The following CSRNP3 variants were observed in gnomAD, a reference collection of about 807,000 sequenced individuals.
CSRNP3 encodes cysteine/serine-rich nuclear protein 3.
CSRNP3 carries 12 observed loss-of-function variants against 48.0 expected under a neutral mutation model. The observed-to-expected ratio is 0.25, with a 90% CI of 0.16 to 0.41. The LOEUF is 0.41. Among genes scored for constraint, CSRNP3 ranks in the 10% least tolerant of loss-of-function variants. The pLI, the probability that CSRNP3 is intolerant of heterozygous loss-of-function variation, is 1.00. For synonymous variants in CSRNP3, 263 were observed against 269.7 expected (o/e 0.98, Z 0.24); for missense variants, 580 against 724.4 (o/e 0.80, Z 2.29).
intron 3 of CSRNP3, among the ~76,000 whole-genome samples, chr2:165,546,937 T>C (rs969437806): frequency 3.3e-5 from 5 of 152,214 alleles, no homozygotes; most frequent in Non-Finnish European, 4.4e-5. Flanking sequence ...TTTTCTTTAA[T>C]TGAAGTACAT....
At chr2:165,599,828 T>C (rs968285716) in intron 4 of CSRNP3, among the ~76,000 whole-genome samples, 2 of 152,074 alleles carry the variant, frequency 1.3e-5, no homozygotes, top group Non-Finnish European at 2.9e-5. Flanking sequence ...ATTTCTTTAC[T>C]TTTTTTTACT....
chr2:165,573,516 A>G (rs1417333681), intron 3 of CSRNP3, among the ~76,000 whole-genome samples: 1 of 152,258 alleles, frequency 6.6e-6, no homozygotes, highest in Non-Finnish European at 1.5e-5. Context: ...ACAACACTGA[A>G]TATCTTTGCC....
intron 4 of CSRNP3, among the ~76,000 whole-genome samples, chr2:165,656,656 A>G (rs1050189203): frequency 6.6e-6 from 1 of 152,194 alleles, no homozygotes; most frequent in Admixed American, 6.5e-5. Flanking sequence ...TTTAATGAGA[A>G]CACTGGTCTT....
At chr2:165,484,135 T>A (rs1022306275) in intron 1 of CSRNP3, among the ~76,000 whole-genome samples, 1 of 152,074 alleles carries the variant, frequency 6.6e-6, no homozygotes, top group Non-Finnish European at 1.5e-5. Context: ...TGAGACAGAG[T>A]CCCACTGTCA....
intron 2 of CSRNP3, among the ~76,000 whole-genome samples, chr2:165,504,853 C>T (rs1459703141): frequency 6.6e-6 from 1 of 152,002 alleles, no homozygotes; most frequent in Non-Finnish European, 1.5e-5. Context: ...TGGAGCACAC[C>T]ACATGTTAAA....
intron 4 of CSRNP3, among the ~76,000 whole-genome samples, chr2:165,643,851 C>G (rs1044893871): frequency 1.3e-5 from 2 of 152,102 alleles, no homozygotes; most frequent in African/African-American, 4.8e-5. Flanking sequence ...TATAAAATTT[C>G]ACAGGAAATT....
chr2:165,635,541 T>C (rs572562437), intron 4 of CSRNP3, among the ~76,000 whole-genome samples: 1 of 152,308 alleles, frequency 6.6e-6, no homozygotes, highest in South Asian at 2.1e-4. Context: ...CAGGATTATT[T>C]GTGTTCAGGT....
chr2:165,550,524 G>A (rs552926649), intron 3 of CSRNP3, among the ~76,000 whole-genome samples: 1 of 152,242 alleles, frequency 6.6e-6, no homozygotes, highest in East Asian at 1.9e-4. Flanking sequence ...TTTGCTTTAT[G>A]TTTCACATAA....
At chr2:165,475,915 C>A (rs922467458) in intron 1 of CSRNP3, among the ~76,000 whole-genome samples, 1 of 152,078 alleles carries the variant, frequency 6.6e-6, no homozygotes, top group African/African-American at 2.4e-5. Flanking sequence ...TGCTCTGTTT[C>A]ATTATAATAC....
At chr2:165,503,913 A>T (rs866173342) in intron 2 of CSRNP3, among the ~76,000 whole-genome samples, 2 of 151,938 alleles carry the variant, frequency 1.3e-5, no homozygotes, top group African/African-American at 4.8e-5. Context: ...AGTTAAGGAG[A>T]TATTCTTCCA....
chr2:165,615,887 G>GTTTTTTTTTTTTTTTTTTTTTTTTT lies in CSRNP3; in HGVS notation c.148+20674_148+20675insTTTTTTTTTTTTTTTTTTTTTTTTT, dbSNP rs1558951399. Among the ~76,000 whole-genome samples, 4 of 126,656 alleles carry GTTTTTTTTTTTTTTTTTTTTTTTTT rather than the reference G, an allele frequency of 3.2e-5. 2 individuals carry two copies. Among genetic ancestry groups the GTTTTTTTTTTTTTTTTTTTTTTTTT allele is most frequent in the African/African-American group, 5.8e-5 (2 of 34,564 alleles). The allele number at this position is 126,656 out of a possible 152,430, so 83.1% of individuals were successfully genotyped here. Reference sequence around the variant, plus strand: ...CACCATATCTGGCTAATGTTTGTGGGGTTTTTTTTTTTTTTTTTTTTTTTT... The same window carrying GTTTTTTTTTTTTTTTTTTTTTTTTT: ...CACCATATCTGGCTAATGTTTGTGGGTTTTTTTTTTTTTTTTTTTTTTTTTGTTTTTTTTTTTTTTTTTTTTTTTT... On this transcript the variant is annotated intron_variant, in intron 4 of 6. Transcript: ENST00000651982.
chr2:165,528,020 A>T (rs1488824807), intron 3 of CSRNP3, among the ~76,000 whole-genome samples: 1 of 152,112 alleles, frequency 6.6e-6, no homozygotes, highest in African/African-American at 2.4e-5. Context: ...AAATAATAAA[A>T]ACTTTATACT....
intron 3 of CSRNP3, chr2:165,572,564 C>T (rs1195992687): frequency 6.6e-6 from 1 of 152,138 alleles, no homozygotes; most frequent in Non-Finnish European, 1.5e-5. Flanking sequence ...AGTGCAAGGA[C>T]TAAGACTACA....
At chr2:165,627,506 A>G (rs1177453775) in intron 4 of CSRNP3, among the ~76,000 whole-genome samples, 1 of 152,150 alleles carries the variant, frequency 6.6e-6, no homozygotes, top group Non-Finnish European at 1.5e-5. Flanking sequence ...AATTCATGTC[A>G]GTCTGCTAGA....
At chr2:165,587,677 G>A (rs935451359) in intron 3 of CSRNP3, among the ~76,000 whole-genome samples, 6 of 152,176 alleles carry the variant, frequency 3.9e-5, no homozygotes, top group African/African-American at 1.2e-4. Flanking sequence ...AAGCTGTATC[G>A]TAGATTGCAT....
At chr2:165,522,985 A>G (rs1433048376) in intron 3 of CSRNP3, among the ~76,000 whole-genome samples, 2 of 152,076 alleles carry the variant, frequency 1.3e-5, no homozygotes, top group African/African-American at 4.8e-5. Flanking sequence ...GTCGGCCACT[A>G]TTTCAAAAGT....
At chr2:165,522,015 G>T (rs1684669801) in intron 3 of CSRNP3, among the ~76,000 whole-genome samples, 1 of 152,116 alleles carries the variant, frequency 6.6e-6, no homozygotes, top group Non-Finnish European at 1.5e-5. Flanking sequence ...ACAAGGCCAG[G>T]CATGGTGGCT....
chr2:165,491,915 C>T (rs1684215211), intron 1 of CSRNP3, among the ~76,000 whole-genome samples: 1 of 117,968 alleles, frequency 8.5e-6, no homozygotes. Flanking sequence ...CTAACCTGCA[C>T]AATGTACACA....
At chr2:165,581,443 A>C (rs1213576847) in intron 3 of CSRNP3, among the ~76,000 whole-genome samples, 2 of 152,186 alleles carry the variant, frequency 1.3e-5, no homozygotes, top group African/African-American at 2.4e-5. Flanking sequence ...CAGTCTTTGC[A>C]TAGAGGTCAT....
Sources: gnomAD v4.1 joint callset for allele counts (sites outside exome capture counted in the v4.1 genomes callset) on GRCh38, gnomAD v4.1.1 for gene constraint, MANE v1.5 for transcripts, NCBI Gene and HGNC (gene_info 2026-07-23, HGNC 2026-07-21) for gene names.